PSD3: variants seen among roughly 807,000 people sequenced by gnomAD.
PSD3 encodes pleckstrin and Sec7 domain containing 3.
A neutral mutation model predicts 105.5 loss-of-function variants in PSD3; 49 were observed. That is an observed-to-expected ratio of 0.46 (90% CI 0.37 to 0.59). The LOEUF is 0.59. PSD3 is among the 20% of genes least tolerant of loss of function. The pLI is 0.00. For synonymous variants in PSD3, 557 were observed against 457.8 expected, an observed-to-expected ratio of 1.22 and a Z score of -2.77; for missense variants, 1,561 against 1,263.8, an observed-to-expected ratio of 1.24 and a Z score of -3.57.
At chr8:18,754,429 C>T (rs927596512) in intron 9 of PSD3, among the ~76,000 whole-genome samples, 3 of 152,038 alleles carry the variant, frequency 2.0e-5, no homozygotes, top group Non-Finnish European at 4.4e-5. Flanking sequence ...TATGTAATAA[C>T]CTAAATGTCT....
chr8:18,835,146 G>A (rs1030429991), intron 4 of PSD3, among the ~76,000 whole-genome samples: 1 of 152,122 alleles, frequency 6.6e-6, no homozygotes, highest in Non-Finnish European at 1.5e-5. Flanking sequence ...ATTGGACTAG[G>A]TCTAACAACT....
At chr8:18,835,882 G>A (rs191182403) in intron 4 of PSD3, among the ~76,000 whole-genome samples, 193 of 151,018 alleles carry the variant, frequency 1.3e-3, no homozygotes, top group African/African-American at 4.5e-3. Flanking sequence ...GGTGTAGATG[G>A]GGGGGCGGAT....
rs1799608619 is a variant in PSD3, at chr8:18,530,929, T to C, written c.*4814A>G. Reference sequence around the variant, plus strand: ...ATATACTCTCAACAACTTCATTATATAATCAGTCCTATGAGGTTGTACTTG... The same window carrying C: ...ATATACTCTCAACAACTTCATTATACAATCAGTCCTATGAGGTTGTACTTG... On this transcript the variant is annotated 3_prime_UTR_variant, in exon 16 of 16. Coordinates refer to ENST00000327040, the MANE Select transcript of PSD3 (RefSeq NM_015310.4). The C allele has an allele frequency of 1.3e-5, 2 of 152,208 alleles. No individual in the cohort carries two copies. The highest frequency in any genetic ancestry group is 1.3e-4 in the Admixed American group (2 of 15,286). 9.4% of individuals were successfully genotyped at this position (152,208 alleles called of 1,614,324 possible). A position where few individuals can be genotyped will look rare whatever the true frequency, so the allele number is the denominator to read the frequency against.
chr8:18,985,539 G>T (rs746517537), intron 1 of PSD3, among the ~76,000 whole-genome samples: 1 of 152,108 alleles, frequency 6.6e-6, no homozygotes, highest in Non-Finnish European at 1.5e-5. Flanking sequence ...TATGATTTGG[G>T]GTCTTTGCTT....
chr8:18,939,295 A>G (rs1192505219), intron 1 of PSD3, among the ~76,000 whole-genome samples: 1 of 152,178 alleles, frequency 6.6e-6, no homozygotes, highest in African/African-American at 2.4e-5. Flanking sequence ...ATTTGCATTT[A>G]CCTTTAGATG....
At chr8:18,981,949 T>C (rs1411586042) in intron 1 of PSD3, among the ~76,000 whole-genome samples, 1 of 152,118 alleles carries the variant, frequency 6.6e-6, no homozygotes, top group Non-Finnish European at 1.5e-5. Context: ...AAAATGAAGT[T>C]TGTCACATCA....
chr8:18,876,421 C>T (rs953484784), intron 2 of PSD3, among the ~76,000 whole-genome samples: 1 of 152,126 alleles, frequency 6.6e-6, no homozygotes, highest in Non-Finnish European at 1.5e-5. Flanking sequence ...GGGTCTCACT[C>T]TGTCACCCAG....
At chr8:18,639,989 T>C (rs1394248342) in intron 10 of PSD3, among the ~76,000 whole-genome samples, 1 of 152,056 alleles carries the variant, frequency 6.6e-6, no homozygotes. Flanking sequence ...TTGCTCTAAG[T>C]CAGTAAATAC....
chr8:18,732,567 C>A (rs984548622), intron 9 of PSD3, among the ~76,000 whole-genome samples: 2 of 152,218 alleles, frequency 1.3e-5, no homozygotes, highest in Non-Finnish European at 2.9e-5. Context: ...CAGCTGCAAG[C>A]TGGAGCACCT....
chr8:19,059,237 A>G (rs1490341404), intron 1 of PSD3, among the ~76,000 whole-genome samples: 1 of 152,234 alleles, frequency 6.6e-6, no homozygotes, highest in East Asian at 1.9e-4. Flanking sequence ...TCAAACCAGG[A>G]AATGGTGCCA....
chr8:18,993,883 T>TCAA (rs1354709096), intron 1 of PSD3, among the ~76,000 whole-genome samples: 1 of 152,056 alleles, frequency 6.6e-6, no homozygotes, highest in African/African-American at 2.4e-5. Flanking sequence ...ATTATATCAA[T>TCAA]ATAATTTGAT....
intron 1 of PSD3, among the ~76,000 whole-genome samples, chr8:18,961,407 G>C (rs1290712975): frequency 6.6e-6 from 1 of 152,152 alleles, no homozygotes; most frequent in Non-Finnish European, 1.5e-5. Flanking sequence ...AATATATGCA[G>C]GCTGGGCGCG....
intron 1 of PSD3, among the ~76,000 whole-genome samples, chr8:19,078,729 G>C (rs1437720719): frequency 3.3e-5 from 5 of 151,838 alleles, no homozygotes; most frequent in African/African-American, 7.3e-5. Context: ...CTCCTCCCAG[G>C]GATGCAGGCC....
intron 8 of PSD3, among the ~76,000 whole-genome samples, chr8:18,797,744 C>G (rs1369231528): frequency 6.6e-6 from 1 of 152,148 alleles, no homozygotes; most frequent in Admixed American, 6.5e-5. Context: ...TCTAAGAGAT[C>G]TGCAACCTTT....
chr8:18,788,908 T>G (rs1006469909), intron 8 of PSD3, among the ~76,000 whole-genome samples: 1 of 152,188 alleles, frequency 6.6e-6, no homozygotes. Flanking sequence ...TGTCCATTCC[T>G]TTTTAAATGT....
At chr8:18,684,032 G>C (rs1800522881) in intron 9 of PSD3, 1 of 658,976 alleles carries the variant, frequency 1.5e-6, no homozygotes, top group Non-Finnish European at 2.7e-6. Context: ...GGTTGTGCCT[G>C]AGCAGCTCCT....
At chr8:19,071,979 G>A (rs1326993517) in intron 1 of PSD3, among the ~76,000 whole-genome samples, 4 of 152,204 alleles carry the variant, frequency 2.6e-5, no homozygotes, top group African/African-American at 9.6e-5. Flanking sequence ...CAAAGTGCTG[G>A]GATTCCAGGC....
rs1563337782 is a variant in PSD3, at chr8:18,575,182, G to C, written c.2585C>G (p.Pro862Arg). 1.9e-6 allele frequency: 3 copies of C among 1,613,846 alleles called. No homozygotes were observed. The change falls in exon 13 of 16, where the codon CCA becomes CGA. Residue 862 changes from proline (P) to arginine (R), a missense_variant. Pro to Arg is a moderately radical substitution (Grantham distance 103, BLOSUM62 -2). Coordinates refer to ENST00000327040, the MANE Select transcript of PSD3 (RefSeq NM_015310.4). ...ASKATDYEKK[P>R]NVFKLKTADW... ...GGCAGTTTTAAGTTTAAACACGTTTGGTTTCTTCTCATAGTCCGTGGCCTT... is the reference window on the plus strand; with the variant it reads ...GGCAGTTTTAAGTTTAAACACGTTTCGTTTCTTCTCATAGTCCGTGGCCTT...
At position 18,531,989 on chromosome 8, in the gene PSD3, G is replaced by T. The variant is rs1037098659; in HGVS notation, c.*3754C>A. 2.6e-5 allele frequency: 4 copies of T among 152,218 alleles called. No individual in the cohort carries two copies. Among genetic ancestry groups the T allele is most frequent in the Non-Finnish European group, 5.9e-5 (4 of 68,050 alleles). The allele number at this position is 152,218 out of a possible 1,614,324, so 9.4% of individuals were successfully genotyped here. Reference sequence around the variant, plus strand: ...TCAGGATGCAACATGCTTAACTGATGACTGCAAGGAAAAATGCCAAAGGAA... The same window carrying T: ...TCAGGATGCAACATGCTTAACTGATTACTGCAAGGAAAAATGCCAAAGGAA... On this transcript the variant is annotated 3_prime_UTR_variant, in exon 16 of 16. Transcript: ENST00000327040.
Sources: gnomAD v4.1 joint callset for allele counts (sites outside exome capture counted in the v4.1 genomes callset) on GRCh38, gnomAD v4.1.1 for gene constraint, MANE v1.5 for transcripts, NCBI Gene and HGNC (gene_info 2026-07-23, HGNC 2026-07-21) for gene names.